The following KCNC1 variants were observed in gnomAD, a reference collection of about 807,000 sequenced individuals.
KCNC1 encodes potassium voltage-gated channel subfamily C member 1.
Under a neutral mutation model 43.4 loss-of-function variants are expected in KCNC1, and 8 were observed. The observed-to-expected ratio is 0.18, with a 90% CI of 0.11 to 0.33. The LOEUF is 0.33. Ranked by LOEUF, KCNC1 falls within the 10% of genes least tolerant of loss-of-function variation. The pLI is 1.00. For synonymous variants in KCNC1, 361 were observed against 360.5 expected, an observed-to-expected ratio of 1.00 and a Z score of -0.01; for missense variants, 420 against 836.0, an observed-to-expected ratio of 0.50 and a Z score of 6.14.
intron 1 of KCNC1, among the ~76,000 whole-genome samples, chr11:17,757,589 C>T (rs1849035887): frequency 6.6e-6 from 1 of 152,220 alleles, no homozygotes; most frequent in Non-Finnish European, 1.5e-5. Context: ...GATCATTGAA[C>T]TGCCCCCTTG....
At chr11:17,743,763 C>T (rs1256268200) in intron 1 of KCNC1, among the ~76,000 whole-genome samples, 18 of 152,358 alleles carry the variant, frequency 1.2e-4, no homozygotes, top group Admixed American at 1.1e-3. Flanking sequence ...AGCCCTTTAA[C>T]CTCTGGGGTT....
chr11:17,779,729 C>T lies in KCNC1; in HGVS notation c.1693+85C>T, dbSNP rs780951660. 49 of 1,135,736 alleles carry T rather than the reference C, an allele frequency of 4.3e-5. No individual in the cohort carries two copies. The highest frequency in any genetic ancestry group is 3.3e-4 in the Admixed American group (9 of 27,656). The allele number at this position is 1,135,736 out of a possible 1,614,324, so 70.4% of individuals were successfully genotyped here. A position where few individuals can be genotyped will look rare whatever the true frequency, so the allele number is the denominator to read the frequency against. Reference sequence around the variant, plus strand: ...GGGTGGGCAGGGCGGCGGGCAAGGGCGCTGAGGGGCAGGCAGGCACACCGA... The same window carrying T: ...GGGTGGGCAGGGCGGCGGGCAAGGGTGCTGAGGGGCAGGCAGGCACACCGA... On this transcript the variant is annotated intron_variant, in intron 3 of 3. Coordinates refer to ENST00000265969, the MANE Select transcript of KCNC1 (RefSeq NM_001112741.2). This position sits in a 1 kb window ranked among gnomAD's most constrained non-coding sequence, Gnocchi z 7.2.
rs567736955 is a variant in KCNC1, at chr11:17,773,001, C to G, written c.1504+403C>G. The G allele has an allele frequency of 1.9e-6, 2 of 1,067,998 alleles. No homozygotes were observed. Among genetic ancestry groups the G allele is most frequent in the Middle Eastern group, 4.3e-4 (1 of 2,302 alleles). 66.2% of individuals were successfully genotyped at this position (1,067,998 alleles called of 1,614,324 possible). ...AGTGGGGGCGGGTGTGATTTGGAAA[C>G]GCTAGACAGCCTTTGATCTGGTCCT... On this transcript the variant is annotated intron_variant, in intron 2 of 3. Transcript: ENST00000265969. The surrounding 1 kb of genome is among the most constrained non-coding windows in gnomAD (Gnocchi z 4.1).
Position 17,779,233 on chromosome 11 carries a change from C to A in KCNC1, c.1505-223C>A, listed in dbSNP as rs979864411. On this transcript the variant is annotated intron_variant, in intron 2 of 3. Coordinates refer to ENST00000265969, the MANE Select transcript of KCNC1 (RefSeq NM_001112741.2). The surrounding 1 kb of genome is among the most constrained non-coding windows in gnomAD (Gnocchi z 7.2). Reference sequence around the variant, plus strand: ...GCAAACTTTGAGCAAACCCAGGAGTCCCCACTCCCAGCACTGTGGGCAGCC... The same window carrying A: ...GCAAACTTTGAGCAAACCCAGGAGTACCCACTCCCAGCACTGTGGGCAGCC... 1.5e-5 allele frequency: 7 copies of A among 471,360 alleles called. No individual in the cohort carries two copies. Among genetic ancestry groups the A allele is most frequent in the South Asian group, 4.5e-5 (1 of 22,448 alleles). The allele number at this position is 471,360 out of a possible 1,614,324, so 29.2% of individuals were successfully genotyped here.
At chr11:17,766,483 C>CG (rs1711927561) in intron 1 of KCNC1, among the ~76,000 whole-genome samples, 1 of 152,100 alleles carries the variant, frequency 6.6e-6, no homozygotes, top group Admixed American at 6.5e-5. Context: ...CCTACAGCCC[C>CG]GGGGATGACA....
At chr11:17,759,949 G>A (rs79006548) in intron 1 of KCNC1, among the ~76,000 whole-genome samples, 23 of 152,272 alleles carry the variant, frequency 1.5e-4, no homozygotes, top group East Asian at 1.3e-3. Context: ...TGCAATATCT[G>A]TGAAATGCAA....
intron 1 of KCNC1, among the ~76,000 whole-genome samples, chr11:17,737,016 T>C (rs1416471197): frequency 2.6e-5 from 4 of 152,166 alleles, no homozygotes; most frequent in Non-Finnish European, 5.9e-5. Flanking sequence ...GGAGGGAAGC[T>C]GGGAGCCCTT....
In KCNC1 at chr11:17,771,787, G is replaced by A. The variant is rs752437957; in HGVS notation, c.693G>A (p.Thr231=). 1.7e-5 allele frequency: 28 copies of A among 1,614,132 alleles called. No homozygotes were observed. Among genetic ancestry groups the A allele is most frequent in the East Asian group, 2.2e-5 (1 of 44,892 alleles). Residue 231 remains threonine, a synonymous_variant, in exon 2 of 4, where the codon ACG becomes ACA. Transcript: ENST00000265969. This position sits in a 1 kb window ranked among gnomAD's most constrained non-coding sequence, Gnocchi z 4.7. ...AGATCGAGAACGTTCGCAATGGCACGCAAGTGCGCTACTACCGGGAGGCCG... is the reference window on the plus strand; with the variant it reads ...AGATCGAGAACGTTCGCAATGGCACACAAGTGCGCTACTACCGGGAGGCCG... The part of the protein sequence containing the change: ...KTEIENVRNG[T]QVRYYREAET...
intron 1 of KCNC1, among the ~76,000 whole-genome samples, chr11:17,737,940 G>T (rs1848788339): frequency 6.6e-6 from 1 of 152,096 alleles, no homozygotes; most frequent in South Asian, 2.1e-4. Flanking sequence ...GGCAAAGAAA[G>T]TCTGTGTTTA....
chr11:17,764,430 C>T (rs1385200359), intron 1 of KCNC1, among the ~76,000 whole-genome samples: 2 of 152,136 alleles, frequency 1.3e-5, no homozygotes, highest in Non-Finnish European at 2.9e-5. Context: ...ATACAGCACA[C>T]GTAGCGACCA....
intron 2 of KCNC1, chr11:17,775,866 C>G: frequency 4.1e-6 from 4 of 985,542 alleles, no homozygotes; most frequent in Non-Finnish European, 4.8e-6. Flanking sequence ...TCCCTGGGAG[C>G]TAACCTTGCA....
chr11:17,775,091 CA>C, intron 2 of KCNC1: 2 of 985,550 alleles, frequency 2.0e-6, no homozygotes, highest in Non-Finnish European at 2.4e-6. Context: ...AGGGGGAGGC[CA>C]GGGGCAAGGA....
chr11:17,737,808 G>A (rs1054356008), intron 1 of KCNC1, among the ~76,000 whole-genome samples: 13 of 152,144 alleles, frequency 8.5e-5, no homozygotes, highest in African/African-American at 2.2e-4. Context: ...CTTTTACTCC[G>A]CATCTCTCCC....
chr11:17,752,039 G>C (rs11602509), intron 1 of KCNC1, among the ~76,000 whole-genome samples: 17,770 of 152,146 alleles, frequency 0.12, 1,116 homozygotes, highest in African/African-American at 0.14. Flanking sequence ...TACCAGGATC[G>C]ACCATCTTCC....
chr11:17,776,977 G>T lies in KCNC1; in HGVS notation c.1505-2479G>T. 5 of 985,438 alleles carry T rather than the reference G, an allele frequency of 5.1e-6. No individual in the cohort carries two copies. Among genetic ancestry groups the T allele is most frequent in the Non-Finnish European group, 6.0e-6 (5 of 829,958 alleles). The allele number at this position is 985,438 out of a possible 1,614,324, so 61.0% of individuals were successfully genotyped here. The stretch of plus-strand genomic sequence containing the variant: ...TCATTAGTCCCTCCTCAAAGGTTAG[G>T]GTTGAGAGAAGCAGTAGGCCCTAGG... On this transcript the variant is annotated intron_variant, in intron 2 of 3. Transcript: ENST00000265969. This position sits in a 1 kb window ranked among gnomAD's most constrained non-coding sequence, Gnocchi z 4.4.
chr11:17,762,678 A>T (rs1849092000), intron 1 of KCNC1, among the ~76,000 whole-genome samples: 1 of 152,166 alleles, frequency 6.6e-6, no homozygotes, highest in Non-Finnish European at 1.5e-5. Context: ...CTGGAGGGAT[A>T]CTGCCTGAGC....
At chr11:17,763,726 C>CAG (rs1849108922) in intron 1 of KCNC1, among the ~76,000 whole-genome samples, 1 of 137,650 alleles carries the variant, frequency 7.3e-6, no homozygotes, top group Non-Finnish European at 1.6e-5. Context: ...CCACACACCT[C>CAG]CCCACACATG....
In KCNC1 at chr11:17,774,644, C is replaced by A. The variant is rs927279858; in HGVS notation, c.1504+2046C>A. The A allele has an allele frequency of 4.1e-6, 4 of 985,456 alleles. No homozygotes were observed. In the African/African-American group the frequency reaches 7.0e-5, roughly 17 times the overall value. 61.0% of individuals were successfully genotyped at this position (985,456 alleles called of 1,614,324 possible). A position where few individuals can be genotyped will look rare whatever the true frequency, so the allele number is the denominator to read the frequency against. Reference sequence around the variant, plus strand: ...CTGAGCTCCACAGTCTCTCCCCAGCCCTGCTTTTGAGAGCCACTTTGCCCT... The same window carrying A: ...CTGAGCTCCACAGTCTCTCCCCAGCACTGCTTTTGAGAGCCACTTTGCCCT... On this transcript the variant is annotated intron_variant, in intron 2 of 3. Coordinates refer to ENST00000265969, the MANE Select transcript of KCNC1 (RefSeq NM_001112741.2).
chr11:17,782,314 A>G lies in KCNC1; in HGVS notation c.*580A>G, dbSNP rs1032715131. ...CATCGGTCATATTGACCTCACCTTCATAGTTCATCTCTCACGTGGAAACTG... is the reference window on the plus strand; with the variant it reads ...CATCGGTCATATTGACCTCACCTTCGTAGTTCATCTCTCACGTGGAAACTG... On this transcript the variant is annotated 3_prime_UTR_variant, in exon 4 of 4. Coordinates refer to ENST00000265969, the MANE Select transcript of KCNC1 (RefSeq NM_001112741.2). The G allele has an allele frequency of 1.3e-5, 2 of 152,194 alleles. No individual in the cohort carries two copies. The highest frequency in any genetic ancestry group is 4.8e-5 in the African/African-American group (2 of 41,440). 9.4% of individuals were successfully genotyped at this position (152,194 alleles called of 1,614,324 possible).
Sources: gnomAD v4.1 joint callset for allele counts (sites outside exome capture counted in the v4.1 genomes callset) on GRCh38, gnomAD v4.1.1 for gene constraint, Gnocchi (gnomAD v3.1) non-coding constraint, MANE v1.5 for transcripts, NCBI Gene and HGNC (gene_info 2026-07-23, HGNC 2026-07-21) for gene names.